Variants in NR4A1 observed in about 807,000 individuals in gnomAD.
NR4A1 encodes the protein nuclear receptor subfamily 4immunitygroup A member 1.
Under a neutral mutation model 47.5 loss-of-function variants are expected in NR4A1, and 24 were observed. The ratio of observed to expected loss-of-function variants is 0.50; its 90% CI spans 0.37 to 0.71. The LOEUF (loss-of-function observed/expected upper bound fraction) is 0.71, where lower values mean the gene tolerates loss of function less well. Ranked by LOEUF, NR4A1 falls within the 30% of genes least tolerant of loss-of-function variation. NR4A1 has a pLI of 0.00. For missense variants in NR4A1, 669 were observed against 788.6 expected (o/e 0.85, Z 1.82); for synonymous variants, 353 against 345.7 (o/e 1.02, Z -0.24).
chr12:52,056,909 T>G, intron 4 of NR4A1, 148 bp from the exon 5 acceptor site: 2 of 860,082 alleles, frequency 2.3e-6, no homozygotes, highest in Non-Finnish European at 3.5e-6. Context: ...TGGGTTAATA[T>G]GTGAGACTTG....
chr12:52,026,447 A>G (rs1592279112), intron 1 of NR4A1, among the ~76,000 whole-genome samples: 1 of 152,226 alleles, frequency 6.6e-6, no homozygotes, highest in Non-Finnish European at 1.5e-5. Context: ...TATAGCCAAC[A>G]CTTACATGGT....
At position 52,059,164 on chromosome 12, in the gene NR4A1, G is replaced by A; in HGVS notation, c.*220G>A. The A allele has an allele frequency of 1.7e-6, 1 of 592,912 alleles. No individual in the cohort carries two copies. Among genetic ancestry groups the A allele is most frequent in the Non-Finnish European group, 2.9e-6 (1 of 347,288 alleles). 36.7% of individuals were successfully genotyped at this position (592,912 alleles called of 1,614,324 possible). On this transcript the variant is annotated 3_prime_UTR_variant, in exon 7 of 7. Coordinates refer to ENST00000394825, the MANE Select transcript of NR4A1 (RefSeq NM_173157.3). The stretch of plus-strand genomic sequence containing the variant: ...GATTTGTCTTATCCCCCCCAGCCTG[G>A]CCCCGGCCTTTATGTTTTTTGTAAG...
chr12:52,054,809 T>A lies in NR4A1; in HGVS notation c.481T>A (p.Phe161Ile). Residue 161 changes from phenylalanine to isoleucine, a missense_variant, in exon 2 of 7, where the codon TTC becomes ATC. By Grantham distance (21) the Phe-to-Ile change is conservative (BLOSUM62 0). Coordinates refer to ENST00000394825, the MANE Select transcript of NR4A1 (RefSeq NM_173157.3). ...TCCCTGGGATGGCTCCTTCGGCCAC[T>A]TCTCGCCCAGCCAGACTTACGAAGG... ...LSPWDGSFGH[F>I]SPSQTYEGLR... 6.2e-7 allele frequency: 1 copy of A among 1,613,476 alleles called. No individual in the cohort carries two copies. The highest frequency in any genetic ancestry group is 1.7e-5 in the Admixed American group (1 of 60,030).
At chr12:52,052,213 C>CA (rs58385892) in intron 1 of NR4A1, among the ~76,000 whole-genome samples, 20,811 of 147,644 alleles carry the variant, frequency 0.14, 2,030 homozygotes, top group African/African-American at 0.29. Context: ...TTCTTGGGGT[C>CA]GGGGCAGGGT....
At chr12:52,047,500 CTTAT>C (rs1938697377), upstream of NR4A1, among the ~76,000 whole-genome samples, 1 of 152,242 alleles carries the variant, frequency 6.6e-6, no homozygotes, top group Admixed American at 6.5e-5. Context: ...CCTTTTTCTC[CTTAT>C]TTACTTATTT....
At chr12:52,026,578 G>A (rs760170301) in intron 1 of NR4A1, among the ~76,000 whole-genome samples, 2 of 152,214 alleles carry the variant, frequency 1.3e-5, no homozygotes, top group Non-Finnish European at 2.9e-5. Flanking sequence ...ACTGAGGCCC[G>A]GACAGCTTAA....
intron 1 of NR4A1, among the ~76,000 whole-genome samples, chr12:52,028,232 AGAGAG>A (rs1938041962): frequency 6.8e-6 from 1 of 146,506 alleles, no homozygotes; most frequent in African/African-American, 2.5e-5. Flanking sequence ...AAAAAAAAGA[AGAGAG>A]AAGTATGAAT....
chr12:52,035,089 G>A (rs758682961), intron 1 of NR4A1, among the ~76,000 whole-genome samples: 2 of 152,150 alleles, frequency 1.3e-5, no homozygotes, highest in Non-Finnish European at 2.9e-5. Flanking sequence ...GACTCCTAGG[G>A]CAGAGCAGGG....
chr12:52,033,240 G>A (rs1366810906), intron 1 of NR4A1, among the ~76,000 whole-genome samples: 1 of 152,058 alleles, frequency 6.6e-6, no homozygotes, highest in Non-Finnish European at 1.5e-5. Flanking sequence ...CCGGCCCGGC[G>A]TTCCGGTCGC....
At position 52,029,254 on chromosome 12, in the gene NR4A1, C is replaced by T. The variant is rs1359720000; in HGVS notation, c.-84+6315C>T. On this transcript the variant is annotated intron_variant, in intron 1 of 7. Transcript: ENST00000360284. ...TGCTCAGATGTGGGGGCAGAATTCC[C>T]CTCCAAACGCCTGCAGCAGCATTCC... 5.3e-5 allele frequency among the ~76,000 whole-genome samples: 8 copies of T among 152,232 alleles called. No individual in the cohort carries two copies. The East Asian group carries it at 1.5e-3, about 29-fold the overall frequency.
At chr12:52,035,905 T>G (rs185830737) in intron 1 of NR4A1, among the ~76,000 whole-genome samples, 1 of 152,128 alleles carries the variant, frequency 6.6e-6, no homozygotes, top group East Asian at 1.9e-4. Flanking sequence ...ACAGAAGAGA[T>G]TCTTTGCTGC....
upstream of NR4A1, among the ~76,000 whole-genome samples, chr12:52,049,239 T>C (rs1290418973): frequency 6.6e-6 from 1 of 152,196 alleles, no homozygotes; most frequent in East Asian, 1.9e-4. Flanking sequence ...GCCCTCTGTA[T>C]ATGTGGGTTT....
chr12:52,058,646 C>G, intron 6 of NR4A1, 42 bp from the exon 7 acceptor site: 7 of 1,497,474 alleles, frequency 4.7e-6, no homozygotes, highest in Non-Finnish European at 6.3e-6. Flanking sequence ...CTTTGGGGGC[C>G]TGGTTCTCAG....
At chr12:52,046,925 T>G (rs1938669821), upstream of NR4A1, among the ~76,000 whole-genome samples, 1 of 152,014 alleles carries the variant, frequency 6.6e-6, no homozygotes, top group Non-Finnish European at 1.5e-5. Flanking sequence ...GGTGAAACAG[T>G]ATGTGCAAAG....
chr12:52,043,930 A>G, intron 2 of NR4A1: 1 of 1,288,800 alleles, frequency 7.8e-7, no homozygotes, highest in Non-Finnish European at 1.0e-6. Context: ...TGGGACAGGG[A>G]CATTGAGGAA....
chr12:52,037,031 C>G (rs2120943882), intron 1 of NR4A1: 1 of 151,496 alleles, frequency 6.6e-6, no homozygotes, highest in African/African-American at 2.4e-5. Context: ...GCGGCTATTC[C>G]GGGCGCCGCT....
At chr12:52,054,116 C>T (rs979545533) in intron 1 of NR4A1, 18 of 567,064 alleles carry the variant, frequency 3.2e-5, no homozygotes, top group East Asian at 8.7e-5. Flanking sequence ...CATGCTGGGC[C>T]GCTGCCCAGG....
chr12:52,036,828 C>T (rs1270047277), intron 1 of NR4A1, among the ~76,000 whole-genome samples: 5 of 152,244 alleles, frequency 3.3e-5, no homozygotes, highest in African/African-American at 1.2e-4. Flanking sequence ...CCGAGTCTCT[C>T]TGGGCCTCGC....
At chr12:52,041,274 G>T (rs772457039) in intron 1 of NR4A1, among the ~76,000 whole-genome samples, 1 of 152,108 alleles carries the variant, frequency 6.6e-6, no homozygotes, top group East Asian at 1.9e-4. Context: ...GGTACAAAGA[G>T]ATTATGTAAT....
Sources: allele counts gnomAD v4.1 joint callset (sites outside exome capture counted in the v4.1 genomes callset), GRCh38; gene constraint gnomAD v4.1.1; transcripts MANE v1.5; gene names NCBI Gene and HGNC (gene_info 2026-07-23, HGNC 2026-07-21).